Variants in RMC1 observed in about 807,000 individuals in gnomAD.
The protein encoded by RMC1 is regulator of MON1-CCZ1.
In RMC1, 44 loss-of-function variants were observed where a neutral mutation model predicts 95.5. The observed-to-expected ratio is 0.46, with a 90% CI of 0.36 to 0.59. RMC1 has a LOEUF of 0.59. RMC1 is among the 20% of genes least tolerant of loss of function. The pLI is 0.00. For synonymous variants in RMC1, 320 were observed against 303.6 expected (o/e 1.05, Z -0.56); for missense variants, 705 against 819.6 (o/e 0.86, Z 1.71).
intron 10 of RMC1, among the ~76,000 whole-genome samples, chr18:23,521,106 C>T (rs1391940513): frequency 1.3e-5 from 2 of 152,150 alleles, no homozygotes; most frequent in Non-Finnish European, 2.9e-5. Context: ...CCGCCTGCCT[C>T]GCTCTCCCAA....
chr18:23,523,543 C>CAAAAAAAAAAAAA (rs374224848), intron 10 of RMC1, among the ~76,000 whole-genome samples: 9 of 76,384 alleles, frequency 1.2e-4, no homozygotes, highest in East Asian at 5.3e-4. Context: ...CTTGTCTTCA[C>CAAAAAAAAAAAAA]AAAAAAAAAA....
chr18:23,515,676 G>A (rs928900087), intron 5 of RMC1, among the ~76,000 whole-genome samples, 180 bp from the exon 6 acceptor site: 10 of 152,194 alleles, frequency 6.6e-5, no homozygotes, highest in Non-Finnish European at 1.0e-4. Context: ...GGAATTACAG[G>A]CATGTGCCAC....
intron 10 of RMC1, among the ~76,000 whole-genome samples, chr18:23,523,207 A>C (rs2058190414): frequency 6.6e-6 from 1 of 152,096 alleles, no homozygotes; most frequent in African/African-American, 2.4e-5. Flanking sequence ...TTCTCTGACC[A>C]GCTGATTGAA....
chr18:23,509,097 A>G (rs755599720), intron 4 of RMC1, 96 bp from the exon 5 acceptor site: 35 of 420,104 alleles, frequency 8.3e-5, no homozygotes, highest in Non-Finnish European at 1.3e-4. Context: ...AACGTTCATT[A>G]AAGAATGACA....
Position 23,530,558 on chromosome 18 carries a change from C to G in RMC1, c.1840C>G (p.Arg614Gly). ...EDNMLFYTIF[R>G]FFEQRNQRLR... ...CAACATGCTTTTCTATACAATATTC[C>G]GCTTTTTTGAACAGCGAAACCAGCG... The change falls in exon 19 of 20, where the codon CGC becomes GGC. Residue 614 changes from arginine (R) to glycine (G), a missense_variant. By Grantham distance (125) the Arg-to-Gly change is moderately radical (BLOSUM62 -2). Coordinates refer to ENST00000269221, the MANE Select transcript of RMC1 (RefSeq NM_013326.5). 3 of 1,614,166 alleles carry G rather than the reference C, an allele frequency of 1.9e-6. No homozygotes were observed. The highest frequency in any genetic ancestry group is 2.5e-6 in the Non-Finnish European group (3 of 1,180,008).
At chr18:23,526,158 A>G (rs1022598615) in intron 12 of RMC1, among the ~76,000 whole-genome samples, 1 of 152,182 alleles carries the variant, frequency 6.6e-6, no homozygotes, top group African/African-American at 2.4e-5. Context: ...TGATCAGTAC[A>G]TTTATGGGTC....
chr18:23,530,674 G>A, intron 19 of RMC1, 62 bp downstream of exon 19: 1 of 1,511,786 alleles, frequency 6.6e-7, no homozygotes, highest in Non-Finnish European at 9.0e-7. Context: ...GAGGGCACTG[G>A]CAGCTGGTGG....
Position 23,527,858 on chromosome 18 carries a change from A to T in RMC1, c.1253A>T (p.His418Leu), listed in dbSNP as rs767119045. ...VIATVFDKLNHEYKKYLDAEQ... is the reference protein window; with the variant it reads ...VIATVFDKLNLEYKKYLDAEQ... ...GCCACTGTTTTTGATAAACTCAACC[A>T]TGAGTATAAAAAGTACCTGGATGCC... Residue 418 changes from histidine to leucine, a missense_variant, in exon 14 of 20, where the codon CAT (histidine) becomes CTT (leucine). Coordinates refer to ENST00000269221, the MANE Select transcript of RMC1 (RefSeq NM_013326.5). 6.2e-7 allele frequency: 1 copy of T among 1,614,180 alleles called. No homozygotes were observed. Among genetic ancestry groups the T allele is most frequent in the South Asian group, 1.1e-5 (1 of 91,082 alleles).
chr18:23,503,541 C>T lies in RMC1; in HGVS notation c.-78C>T, dbSNP rs1453192145. On this transcript the variant is annotated 5_prime_UTR_variant, in exon 1 of 20. Coordinates refer to ENST00000269221, the MANE Select transcript of RMC1 (RefSeq NM_013326.5). The stretch of plus-strand genomic sequence containing the variant: ...CGCAGCCGCAGCCGCCGCTACAGTC[C>T]GGGCCGGGCTCCACCGCGCATCCTG... 26 of 1,055,362 alleles carry T rather than the reference C, an allele frequency of 2.5e-5. No individual in the cohort carries two copies. Among genetic ancestry groups the T allele is most frequent in the Non-Finnish European group, 3.1e-5 (24 of 780,398 alleles). The allele number at this position is 1,055,362 out of a possible 1,614,324, so 65.4% of individuals were successfully genotyped here. A position where few individuals can be genotyped will look rare whatever the true frequency, so the allele number is the denominator to read the frequency against.
intron 7 of RMC1, among the ~76,000 whole-genome samples, chr18:23,517,147 CTTTTTT>C (rs561567719): frequency 1.4e-5 from 2 of 145,780 alleles, no homozygotes; most frequent in Non-Finnish European, 3.0e-5. Flanking sequence ...TTTTCTTTTA[CTTTTTT>C]TTTTTGTTTG....
Position 23,525,039 on chromosome 18 carries a change from C to T in RMC1, c.1060+557C>T, listed in dbSNP as rs374991986. ...TTGGCTCACTGCAACCTCCGCCTCCCGGGTTCAAGCGATTCTCCTGCCTCA... is the reference window on the plus strand; with the variant it reads ...TTGGCTCACTGCAACCTCCGCCTCCTGGGTTCAAGCGATTCTCCTGCCTCA... On this transcript the variant is annotated intron_variant, in intron 12 of 19. Transcript: ENST00000269221. Among the ~76,000 whole-genome samples the T allele has an allele frequency of 1.1e-4, 17 of 149,812 alleles. No homozygotes were observed. In the East Asian group the frequency reaches 2.0e-3, roughly 17 times the overall value.
In RMC1 at chr18:23,516,110, G is replaced by A. The variant is rs191607293; in HGVS notation, c.549+114G>A. 5,491 of 1,492,926 alleles carry A rather than the reference G, an allele frequency of 3.7e-3. 19 individuals are homozygous for A. Among genetic ancestry groups the A allele is most frequent in the Non-Finnish European group, 4.6e-3 (5,063 of 1,089,384 alleles). 92.5% of individuals were successfully genotyped at this position (1,492,926 alleles called of 1,614,324 possible). On this transcript the variant is annotated intron_variant, in intron 6 of 19. Transcript: ENST00000269221. ...AGGTTCCTCTAGCCGTAACGTCACC[G>A]CTCTGACCACTAGAGGGCACTCTGT...
At chr18:23,521,474 C>A (rs2058139119) in intron 10 of RMC1, among the ~76,000 whole-genome samples, 1 of 152,204 alleles carries the variant, frequency 6.6e-6, no homozygotes, top group Admixed American at 6.5e-5. Flanking sequence ...ATATTGCATT[C>A]TTTGGGACTG....
chr18:23,527,183 A>G (rs1236201027), intron 13 of RMC1, among the ~76,000 whole-genome samples: 1 of 146,078 alleles, frequency 6.8e-6, no homozygotes, highest in Non-Finnish European at 1.5e-5. Flanking sequence ...TAGGAGTTCG[A>G]GACCAGCCTG....
At position 23,520,229 on chromosome 18, in the gene RMC1, C is replaced by G; in HGVS notation, c.877C>G (p.Arg293Gly). ...ETSVIFDIKL[R>G]GEFDGSVTFH... ...ATCGGTAATATTCGATATCAAGTTA[C>G]GGGGAGAGTTTGACGGCTCCGTTAC... The change falls in exon 10 of 20, where the codon CGG (arginine) becomes GGG (glycine). Residue 293 changes from arginine to glycine, a missense_variant. Transcript: ENST00000269221. 1 of 1,614,028 alleles carries G rather than the reference C, an allele frequency of 6.2e-7. No homozygotes were observed. The highest frequency in any genetic ancestry group is 8.5e-7 in the Non-Finnish European group (1 of 1,179,972).
chr18:23,507,983 A>G lies in RMC1; in HGVS notation c.265-2A>G. 2.5e-6 allele frequency: 4 copies of G among 1,610,478 alleles called. No homozygotes were observed. The highest frequency in any genetic ancestry group is 3.4e-6 in the Non-Finnish European group (4 of 1,178,592). On this transcript the variant is annotated splice_acceptor_variant, in intron 3 of 19. Transcript: ENST00000269221. LOFTEE classifies it high-confidence loss of function. ...TGTGTGTCTGTGTGTTTTTCCTTTC[A>G]GGATTTTTGTAATTTTATCCCTGAT... is the stretch of plus-strand genomic sequence containing the variant.
chr18:23,518,169 T>G (rs1206228025), intron 7 of RMC1, among the ~76,000 whole-genome samples: 3 of 152,202 alleles, frequency 2.0e-5, no homozygotes, highest in Non-Finnish European at 2.9e-5. Context: ...TCAGGAACTG[T>G]TCACAGCAAC....
intron 2 of RMC1, 67 bp downstream of exon 2, chr18:23,504,514 G>A: frequency 6.9e-7 from 1 of 1,442,494 alleles, no homozygotes; most frequent in Non-Finnish European, 9.7e-7. Flanking sequence ...TAATTCAAAT[G>A]GTTTTTTATA....
At chr18:23,505,224 AT>A (rs933810519) in intron 2 of RMC1, among the ~76,000 whole-genome samples, 3 of 151,628 alleles carry the variant, frequency 2.0e-5, no homozygotes, top group African/African-American at 4.8e-5. Context: ...CGCCCGGCTA[AT>A]TTTTTTTGTA....
Sources: gnomAD v4.1 joint callset for allele counts (sites outside exome capture counted in the v4.1 genomes callset) on GRCh38, gnomAD v4.1.1 for gene constraint, MANE v1.5 for transcripts, NCBI Gene and HGNC (gene_info 2026-07-23, HGNC 2026-07-21) for gene names.